SLC24A3: variants seen among roughly 807,000 people sequenced by gnomAD.
SLC24A3 encodes solute carrier family 24 member 3.
In SLC24A3, 28 loss-of-function variants were observed where a neutral mutation model predicts 75.8. The ratio of observed to expected loss-of-function variants is 0.37; its 90% CI spans 0.27 to 0.51. The LOEUF is 0.51. Ranked by LOEUF, SLC24A3 falls within the 20% of genes least tolerant of loss-of-function variation. The probability of loss-of-function intolerance (pLI) is 0.94; values close to 1 mark genes in which losing one functional copy is unlikely to be tolerated. For missense variants in SLC24A3, 663 were observed against 847.8 expected (o/e 0.78, Z 2.71); for synonymous variants, 372 against 334.1 (o/e 1.11, Z -1.24).
At chr20:19,715,518 A>G (rs1194725110) in intron 15 of SLC24A3, among the ~76,000 whole-genome samples, 2 of 152,156 alleles carry the variant, frequency 1.3e-5, no homozygotes, top group African/African-American at 4.8e-5. Context: ...CAAATGGTTG[A>G]CTCACAGGGA....
At chr20:19,624,562 G>C (rs1194231715) in intron 6 of SLC24A3, among the ~76,000 whole-genome samples, 1 of 152,140 alleles carries the variant, frequency 6.6e-6, no homozygotes, top group Non-Finnish European at 1.5e-5. Flanking sequence ...AAAAGGAAAA[G>C]TGAACTATGC....
intron 1 of SLC24A3, among the ~76,000 whole-genome samples, chr20:19,273,943 T>A (rs1358161225): frequency 6.6e-6 from 1 of 150,766 alleles, no homozygotes; most frequent in Non-Finnish European, 1.5e-5. Flanking sequence ...TTTCAGTCCC[T>A]CCAATAGGAC....
chr20:19,691,248 G>T (rs6112523), intron 12 of SLC24A3, among the ~76,000 whole-genome samples: 8,925 of 152,292 alleles, frequency 0.059, 301 homozygotes, highest in Middle Eastern at 0.11. Flanking sequence ...TTATCTGAGG[G>T]CTCAGTGACA....
At chr20:19,441,163 A>G (rs1386118341) in intron 2 of SLC24A3, among the ~76,000 whole-genome samples, 1 of 152,018 alleles carries the variant, frequency 6.6e-6, no homozygotes, top group Non-Finnish European at 1.5e-5. Context: ...TCTGTATGGG[A>G]CCTTCCCTTC....
chr20:19,656,545 T>G (rs373221970), intron 7 of SLC24A3, among the ~76,000 whole-genome samples: 39 of 152,370 alleles, frequency 2.6e-4, no homozygotes, highest in South Asian at 1.7e-3. Context: ...TTCATCCTTC[T>G]ATGCACAAAC....
chr20:19,639,788 C>T (rs1198089024), intron 6 of SLC24A3, among the ~76,000 whole-genome samples: 1 of 152,250 alleles, frequency 6.6e-6, no homozygotes, highest in Non-Finnish European at 1.5e-5. Flanking sequence ...GGGAAGGCAG[C>T]TAAGGCCAGG....
chr20:19,426,890 C>G (rs749369422), intron 2 of SLC24A3, among the ~76,000 whole-genome samples: 1 of 151,410 alleles, frequency 6.6e-6, no homozygotes, highest in Admixed American at 6.6e-5. Context: ...AGGCTTGGCC[C>G]TTGATTGGAC....
intron 16 of SLC24A3, among the ~76,000 whole-genome samples, chr20:19,720,460 G>A (rs1340147020): frequency 6.6e-6 from 1 of 152,180 alleles, no homozygotes; most frequent in East Asian, 1.9e-4. Flanking sequence ...GGAACTGTGG[G>A]AAGAACCGAG....
At chr20:19,349,397 C>G (rs552554371) in intron 2 of SLC24A3, among the ~76,000 whole-genome samples, 3 of 152,240 alleles carry the variant, frequency 2.0e-5, no homozygotes, top group Non-Finnish European at 2.9e-5. Flanking sequence ...GGCGTTACTA[C>G]TTAGTATGTA....
chr20:19,280,967 C>T lies in SLC24A3; in HGVS notation c.151C>T (p.Leu51Phe), dbSNP rs753158047. 1.9e-6 allele frequency: 3 copies of T among 1,613,738 alleles called. No homozygotes were observed. The highest frequency in any genetic ancestry group is 1.7e-5 in the Admixed American group (1 of 59,962). The part of the protein sequence containing the change: ...SSLREQKELD[L>F]MDLVGEDRKW... ...TGTCTTTGTCTCCCCAGAGCTTGAC[C>T]TCATGGACCTCGTAGGGGAAGACAG... The change falls in exon 2 of 17, where the codon CTC (leucine) becomes TTC (phenylalanine). Residue 51 changes from leucine to phenylalanine, a missense_variant. By Grantham distance (22) the Leu-to-Phe change is conservative (BLOSUM62 0). Coordinates refer to ENST00000328041, the MANE Select transcript of SLC24A3 (RefSeq NM_020689.4).
chr20:19,634,426 A>G (rs2031974809), intron 6 of SLC24A3, among the ~76,000 whole-genome samples: 1 of 152,106 alleles, frequency 6.6e-6, no homozygotes, highest in African/African-American at 2.4e-5. Context: ...AAATATATAG[A>G]TCCAAAGCAC....
chr20:19,281,796 C>A (rs2122225030), intron 2 of SLC24A3, among the ~76,000 whole-genome samples: 1 of 152,246 alleles, frequency 6.6e-6, no homozygotes, highest in Admixed American at 6.5e-5. Flanking sequence ...ATACTGTAGG[C>A]TTTGCAGGCC....
At chr20:19,376,627 AC>A (rs1042047283) in intron 2 of SLC24A3, among the ~76,000 whole-genome samples, 1 of 146,918 alleles carries the variant, frequency 6.8e-6, no homozygotes, top group African/African-American at 2.5e-5. Flanking sequence ...GGTCATTGCC[AC>A]TTTTTTTTTT....
At chr20:19,308,229 G>T (rs1984376153) in intron 2 of SLC24A3, among the ~76,000 whole-genome samples, 1 of 152,192 alleles carries the variant, frequency 6.6e-6, no homozygotes, top group African/African-American at 2.4e-5. Flanking sequence ...GCAATGCTTT[G>T]AAAGGAAAAG....
intron 2 of SLC24A3, among the ~76,000 whole-genome samples, chr20:19,466,765 G>A (rs1314280651): frequency 6.6e-6 from 1 of 152,094 alleles, no homozygotes; most frequent in Non-Finnish European, 1.5e-5. Flanking sequence ...TCTATTTAAA[G>A]CACCTCTCGT....
intron 6 of SLC24A3, among the ~76,000 whole-genome samples, chr20:19,615,920 T>C (rs2122669046): frequency 6.6e-6 from 1 of 152,298 alleles, no homozygotes; most frequent in Admixed American, 6.5e-5. Context: ...GAGCCACTAC[T>C]GGCTTCTCTC....
At chr20:19,483,764 C>A (rs774970820) in intron 2 of SLC24A3, among the ~76,000 whole-genome samples, 1 of 152,126 alleles carries the variant, frequency 6.6e-6, no homozygotes, top group Non-Finnish European at 1.5e-5. Context: ...AGGTTGGGTC[C>A]GTGCTGCTGG....
intron 2 of SLC24A3, among the ~76,000 whole-genome samples, chr20:19,379,594 A>AC (rs1286877004): frequency 6.6e-6 from 1 of 152,056 alleles, no homozygotes; most frequent in Non-Finnish European, 1.5e-5. Flanking sequence ...ACAGGTGCAC[A>AC]CCCCCAGTTA....
At chr20:19,478,279 TGATGGA>T (rs1987995040) in intron 2 of SLC24A3, among the ~76,000 whole-genome samples, 1 of 152,214 alleles carries the variant, frequency 6.6e-6, no homozygotes, top group Admixed American at 6.5e-5. Flanking sequence ...CCATAACAAC[TGATGGA>T]TCTTTAGGGC....
Sources: allele counts gnomAD v4.1 joint callset (sites outside exome capture counted in the v4.1 genomes callset), GRCh38; gene constraint gnomAD v4.1.1; transcripts MANE v1.5; gene names NCBI Gene and HGNC (gene_info 2026-07-23, HGNC 2026-07-21).